Variants in FRMD3 observed in about 807,000 individuals in gnomAD.
The protein encoded by FRMD3 is FERM domain containing 3, also known as FERM domain-containing protein 3.
Under a neutral mutation model 70.2 loss-of-function variants are expected in FRMD3, and 33 were observed. The observed-to-expected ratio is 0.47, with a 90% CI of 0.36 to 0.63. FRMD3 has a LOEUF of 0.63. FRMD3 is among the 20% of genes least tolerant of loss of function. The pLI is 0.00. For missense variants in FRMD3, 632 were observed against 711.4 expected (o/e 0.89, Z 1.27); for synonymous variants, 279 against 255.9 (o/e 1.09, Z -0.86).
intron 10 of FRMD3, among the ~76,000 whole-genome samples, chr9:83,303,422 T>C (rs1834999718): frequency 6.6e-6 from 1 of 152,236 alleles, no homozygotes; most frequent in South Asian, 2.1e-4. Flanking sequence ...AATCATGCTC[T>C]AGTCGTACTG....
At chr9:83,468,353 C>A (rs917294021) in intron 1 of FRMD3, among the ~76,000 whole-genome samples, 2 of 152,146 alleles carry the variant, frequency 1.3e-5, no homozygotes, top group Admixed American at 1.3e-4. Context: ...CCTGAAGCTG[C>A]ATTCTCAAAT....
At chr9:83,424,014 G>A (rs1490293320) in intron 1 of FRMD3, among the ~76,000 whole-genome samples, 1 of 152,206 alleles carries the variant, frequency 6.6e-6, no homozygotes, top group African/African-American at 2.4e-5. Flanking sequence ...CCAGTCAAGA[G>A]TAAATCTTCT....
At chr9:83,432,995 T>G (rs72745079) in intron 1 of FRMD3, among the ~76,000 whole-genome samples, 10,333 of 152,300 alleles carry the variant, frequency 0.068, 410 homozygotes, top group East Asian at 0.16. Context: ...GTTTTTGGTT[T>G]TCCATTCCTG....
the FRMD3 span, among the ~76,000 whole-genome samples, chr9:83,556,842 T>A: frequency 6.6e-6 from 1 of 152,066 alleles, no homozygotes; most frequent in Admixed American, 6.5e-5. Context: ...TTTTTGAGAT[T>A]TTTTCCTTAT....
intron 1 of FRMD3, among the ~76,000 whole-genome samples, chr9:83,504,878 C>G (rs77860388): frequency 1.3e-5 from 2 of 152,100 alleles, no homozygotes; most frequent in African/African-American, 4.8e-5. Flanking sequence ...GTACCTTGCA[C>G]AGTAAATATT....
chr9:83,279,844 T>TGTA (rs1563991166), intron 13 of FRMD3, among the ~76,000 whole-genome samples: 1 of 151,896 alleles, frequency 6.6e-6, no homozygotes, highest in African/African-American at 2.4e-5. Context: ...AGCTAATGTA[T>TGTA]GTAGGGCTTA....
Position 83,409,675 on chromosome 9 carries a change from C to T in FRMD3, c.148-19967G>A, listed in dbSNP as rs112170095. ...GCTGAGCCATTTACATATATTAGCT[C>T]GTTAATACAGTCTCTCTGGTAGATA... is the stretch of plus-strand genomic sequence containing the variant. On this transcript the variant is annotated intron_variant, in intron 1 of 13. Coordinates refer to ENST00000304195, the MANE Select transcript of FRMD3 (RefSeq NM_174938.6). 5.9e-3 allele frequency among the ~76,000 whole-genome samples: 902 copies of T among 152,300 alleles called. 12 individuals are homozygous for T. Among genetic ancestry groups the T allele is most frequent in the African/African-American group, 0.02 (829 of 41,558 alleles).
intron 1 of FRMD3, among the ~76,000 whole-genome samples, chr9:83,407,822 G>A (rs1340346724): frequency 7.8e-6 from 1 of 128,354 alleles, no homozygotes; most frequent in Non-Finnish European, 1.6e-5. Context: ...GCCAGCAGAG[G>A]AGGGGGGTTG....
chr9:83,561,321 C>A, the FRMD3 span, among the ~76,000 whole-genome samples: 1 of 152,124 alleles, frequency 6.6e-6, no homozygotes, highest in Non-Finnish European at 1.5e-5. Flanking sequence ...ATAAGGCTTT[C>A]CAGACACCAC....
chr9:83,255,157 C>T (rs1159849154), intron 13 of FRMD3, among the ~76,000 whole-genome samples: 1 of 152,144 alleles, frequency 6.6e-6, no homozygotes, highest in Non-Finnish European at 1.5e-5. Flanking sequence ...CTGAATCCAG[C>T]AGCATATCGA....
intron 1 of FRMD3, among the ~76,000 whole-genome samples, chr9:83,427,059 C>A (rs1336303010): frequency 2.0e-5 from 3 of 152,210 alleles, no homozygotes; most frequent in Non-Finnish European, 4.4e-5. Flanking sequence ...GATCTCAGTC[C>A]AGGCACAGGG....
At position 83,310,482 on chromosome 9, in the gene FRMD3, G is replaced by A; in HGVS notation, c.837+3C>T. ...AGGCAGTTAAAAAAAAGCAGTATCT[G>A]ACCTCCTTCTGGGTGCCAATCACAT... is the stretch of plus-strand genomic sequence containing the variant. On this transcript the variant is annotated splice_donor_region_variant and intron_variant, in intron 9 of 13. Coordinates refer to ENST00000304195, the MANE Select transcript of FRMD3 (RefSeq NM_174938.6). 6.2e-7 allele frequency: 1 copy of A among 1,605,650 alleles called. No individual in the cohort carries two copies. Among genetic ancestry groups the A allele is most frequent in the Non-Finnish European group, 8.5e-7 (1 of 1,176,866 alleles).
At chr9:83,416,996 C>G (rs1826477068) in intron 1 of FRMD3, among the ~76,000 whole-genome samples, 1 of 152,196 alleles carries the variant, frequency 6.6e-6, no homozygotes, top group African/African-American at 2.4e-5. Flanking sequence ...CCACTCCTTT[C>G]TCCTTTCACC....
downstream of FRMD3, among the ~76,000 whole-genome samples, chr9:83,244,120 C>T (rs1831970738): frequency 1.4e-5 from 2 of 138,598 alleles, no homozygotes; most frequent in Non-Finnish European, 3.0e-5. Flanking sequence ...AAGAGCAAAA[C>T]TCCATCATCA....
intron 1 of FRMD3, among the ~76,000 whole-genome samples, chr9:83,459,413 C>T (rs561825585): frequency 6.6e-6 from 1 of 152,364 alleles, no homozygotes; most frequent in South Asian, 2.1e-4. Context: ...CTAATTTCAG[C>T]CATGTCTGGG....
intron 12 of FRMD3, among the ~76,000 whole-genome samples, chr9:83,291,670 G>A (rs546238454): frequency 7.9e-5 from 12 of 152,028 alleles, no homozygotes; most frequent in African/African-American, 2.4e-4. Context: ...AGTTATTGGT[G>A]TACTGATCAT....
At chr9:83,461,665 C>CTTTTTTTTTTTTTTTTTTTTTTTTTTT (rs200147815) in intron 1 of FRMD3, among the ~76,000 whole-genome samples, 1 of 70,682 alleles carries the variant, frequency 1.4e-5, no homozygotes, top group Non-Finnish European at 2.6e-5. Context: ...AGGAATTTCC[C>CTTTTTTTTTTTTTTTTTTTTTTTTTTT]TTTTTTTTTT....
intron 5 of FRMD3, among the ~76,000 whole-genome samples, chr9:83,337,795 A>G (rs946555639): frequency 2.0e-5 from 3 of 152,236 alleles, no homozygotes; most frequent in African/African-American, 7.2e-5. Flanking sequence ...AAGCTTCTGG[A>G]CAAAATTCAA....
chr9:83,373,713 T>C (rs1825055121), intron 2 of FRMD3, among the ~76,000 whole-genome samples: 1 of 152,092 alleles, frequency 6.6e-6, no homozygotes, highest in Non-Finnish European at 1.5e-5. Flanking sequence ...CTGAAGCTGC[T>C]CAGGGAATGT....
Sources: gnomAD v4.1 joint callset for allele counts (sites outside exome capture counted in the v4.1 genomes callset) on GRCh38, gnomAD v4.1.1 for gene constraint, MANE v1.5 for transcripts, NCBI Gene and HGNC (gene_info 2026-07-23, HGNC 2026-07-21) for gene names.